GNAS-AS1: variants seen among roughly 807,000 people sequenced by gnomAD.
The protein encoded by GNAS-AS1 is GNAS antisense RNA 1 (non-protein coding).
At chr20:58,833,270 G>A (rs945875543) in intron 4 of GNAS-AS1, among the ~76,000 whole-genome samples, 3 of 152,218 alleles carry the variant, frequency 2.0e-5, no homozygotes, top group African/African-American at 7.2e-5. Context: ...GTGAAGAGCA[G>A]GGAGAGAAGT....
chr20:58,819,367 G>T (rs911698874), intron 4 of GNAS-AS1: 1 of 397,526 alleles, frequency 2.5e-6, no homozygotes, highest in African/African-American at 2.1e-5. Context: ...ATCGCCTGCG[G>T]TCACACTCCA....
At chr20:58,847,508 T>C (rs2085983260) in intron 2 of GNAS-AS1, among the ~76,000 whole-genome samples, 1 of 152,240 alleles carries the variant, frequency 6.6e-6, no homozygotes, top group African/African-American at 2.4e-5. Context: ...TCAGAAAACA[T>C]TTGTCACTGG....
chr20:58,838,927 A>AC (rs1369159782), intron 4 of GNAS-AS1: 14 of 396,598 alleles, frequency 3.5e-5, no homozygotes, highest in African/African-American at 6.2e-5. Flanking sequence ...AAAAAAAAAA[A>AC]AAAAAAAAAA....
At chr20:58,823,384 G>A (rs1366871999) in intron 4 of GNAS-AS1, among the ~76,000 whole-genome samples, 1 of 152,180 alleles carries the variant, frequency 6.6e-6, no homozygotes, top group East Asian at 1.9e-4. Flanking sequence ...TCATCAGTGC[G>A]AGCCAGTTCC....
In GNAS-AS1 at chr20:58,840,488, G is replaced by C; in HGVS notation, n.819+1449C>G. The C allele has an allele frequency of 2.5e-6, 4 of 1,613,308 alleles. No individual in the cohort carries two copies. Among genetic ancestry groups the C allele is most frequent in the Non-Finnish European group, 3.4e-6 (4 of 1,179,786 alleles). ...CGAGTCCGAGACCGACTTCGAGACC[G>C]AGCCTGAGACCGCCCCCACCACTGA... is the stretch of plus-strand genomic sequence containing the variant. On this transcript the variant is annotated intron_variant and non_coding_transcript_variant, in intron 4 of 4. Coordinates refer to ENST00000424094, the Ensembl canonical transcript of GNAS-AS1. This position sits in a 1 kb window ranked among gnomAD's most constrained non-coding sequence, Gnocchi z 6.0.
chr20:58,822,621 C>T (rs1032870235), intron 4 of GNAS-AS1, among the ~76,000 whole-genome samples: 2 of 152,118 alleles, frequency 1.3e-5, no homozygotes, highest in African/African-American at 4.8e-5. Flanking sequence ...GCTTCCGGCT[C>T]CATCCCACAA....
exon 1 of GNAS-AS1, chr20:58,850,894 G>C: frequency 2.5e-6 from 1 of 398,766 alleles, no homozygotes; most frequent in Non-Finnish European, 4.4e-6. Context: ...TTCCAACGCG[G>C]CGCCCCCTAT....
intron 4 of GNAS-AS1, among the ~76,000 whole-genome samples, chr20:58,831,720 C>A (rs1480529293): frequency 6.6e-6 from 1 of 152,140 alleles, no homozygotes; most frequent in Non-Finnish European, 1.5e-5. Context: ...TTCATTCATT[C>A]ATTTATTATA....
intron 4 of GNAS-AS1, among the ~76,000 whole-genome samples, chr20:58,823,294 A>G (rs1456671862): frequency 6.6e-6 from 1 of 152,248 alleles, no homozygotes; most frequent in Non-Finnish European, 1.5e-5. Flanking sequence ...ATAAAAGCAG[A>G]AACTGACCCT....
Position 58,840,615 on chromosome 20 carries a change from G to A in GNAS-AS1, n.819+1322C>T. 6.2e-7 allele frequency: 1 copy of A among 1,608,324 alleles called. No homozygotes were observed. The highest frequency in any genetic ancestry group is 8.5e-7 in the Non-Finnish European group (1 of 1,178,070). ...CGTCTGCACGCTCTCAAGTTGCGAA[G>A]CCCCGACGCCTCCCCAAGTCGCGCG... On this transcript the variant is annotated intron_variant and non_coding_transcript_variant, in intron 4 of 4. Transcript: ENST00000424094. This position sits in a 1 kb window ranked among gnomAD's most constrained non-coding sequence, Gnocchi z 6.0.
At chr20:58,834,046 T>A (rs1030286321) in intron 4 of GNAS-AS1, 1 of 152,202 alleles carries the variant, frequency 6.6e-6, no homozygotes, top group African/African-American at 2.4e-5. Flanking sequence ...AGGATTTCTA[T>A]GAGCGTGTGC....
chr20:58,846,313 C>T (rs1458802552), intron 2 of GNAS-AS1, among the ~76,000 whole-genome samples: 1 of 152,078 alleles, frequency 6.6e-6, no homozygotes, highest in African/African-American at 2.4e-5. Flanking sequence ...GAACCAGGTG[C>T]ATCAAGGGAC....
At chr20:58,826,751 C>G (rs2085523011) in intron 4 of GNAS-AS1, 2 of 151,706 alleles carry the variant, frequency 1.3e-5, no homozygotes, top group African/African-American at 4.8e-5. Flanking sequence ...GAGTCTCACT[C>G]TGCCACCCAG....
In GNAS-AS1 at chr20:58,840,900, C is replaced by T. The variant is rs1373501209; in HGVS notation, n.819+1037G>A. 2 of 1,611,894 alleles carry T rather than the reference C, an allele frequency of 1.2e-6. No homozygotes were observed. The highest frequency in any genetic ancestry group is 1.7e-6 in the Non-Finnish European group (2 of 1,179,520). On this transcript the variant is annotated intron_variant and non_coding_transcript_variant, in intron 4 of 4. Coordinates refer to ENST00000424094, the Ensembl canonical transcript of GNAS-AS1. This position sits in a 1 kb window ranked among gnomAD's most constrained non-coding sequence, Gnocchi z 6.0. ...TCATGGATTCAGGTTAGTTGCCCACCGCTAAACTGGGGAGCCTGAGGGCGG... is the reference window on the plus strand; with the variant it reads ...TCATGGATTCAGGTTAGTTGCCCACTGCTAAACTGGGGAGCCTGAGGGCGG...
intron 4 of GNAS-AS1, among the ~76,000 whole-genome samples, chr20:58,820,355 G>T (rs115516361): frequency 0.017 from 2,640 of 152,340 alleles, 81 homozygotes; most frequent in African/African-American, 0.06. Flanking sequence ...TAGACGAAGG[G>T]AGGGAGGCAC....
intron 4 of GNAS-AS1, among the ~76,000 whole-genome samples, chr20:58,837,455 A>G (rs1227034300): frequency 2.6e-5 from 4 of 152,334 alleles, no homozygotes; most frequent in African/African-American, 9.6e-5. Context: ...AAAGTGGTAG[A>G]GCAGGGCACA....
chr20:58,832,950 T>TTGTGAG (rs1160010664), intron 4 of GNAS-AS1, among the ~76,000 whole-genome samples: 1 of 152,234 alleles, frequency 6.6e-6, no homozygotes, highest in Admixed American at 6.5e-5. Flanking sequence ...TGTCCTCTAA[T>TTGTGAG]TGTGAGTGTG....
At chr20:58,850,890 C>A (rs1027531412) in exon 1 of GNAS-AS1, 1 of 398,674 alleles carries the variant, frequency 2.5e-6, no homozygotes, top group African/African-American at 2.1e-5. Flanking sequence ...GGCGTTCCAA[C>A]GCGGCGCCCC....
chr20:58,829,966 T>C (rs898385235), intron 4 of GNAS-AS1, among the ~76,000 whole-genome samples: 1 of 152,042 alleles, frequency 6.6e-6, no homozygotes, highest in Non-Finnish European at 1.5e-5. Context: ...CAGACCAAAC[T>C]CTACAGCTTC....
Sources: gnomAD v4.1 joint callset for allele counts (sites outside exome capture counted in the v4.1 genomes callset) on GRCh38, gnomAD v4.1.1 for gene constraint, Gnocchi (gnomAD v3.1) non-coding constraint, MANE v1.5 for transcripts, NCBI Gene and HGNC (gene_info 2026-07-23, HGNC 2026-07-21) for gene names.